SH3RF3: variants seen among roughly 807,000 people sequenced by gnomAD.
SH3RF3 encodes the protein SH3 domain containing ring finger 3, also known as E3 ubiquitin-protein ligase SH3RF3.
In SH3RF3, 29 loss-of-function variants were observed where a neutral mutation model predicts 66.3. The observed-to-expected ratio is 0.44, with a 90% CI of 0.33 to 0.60. SH3RF3 has a LOEUF of 0.60. SH3RF3 is among the 20% of genes least tolerant of loss of function. The pLI is 0.04. For missense variants in SH3RF3, 1,194 were observed against 1,190.9 expected (o/e 1.00, Z -0.04); for synonymous variants, 583 against 532.0 (o/e 1.10, Z -1.32).
chr2:109,149,631 T>C (rs2104865145), intron 1 of SH3RF3, among the ~76,000 whole-genome samples: 1 of 152,212 alleles, frequency 6.6e-6, no homozygotes, highest in East Asian at 1.9e-4. Flanking sequence ...CCTGCACGTG[T>C]CCATTGAGCA....
chr2:109,417,388 C>G (rs1676754062), intron 4 of SH3RF3, among the ~76,000 whole-genome samples: 1 of 152,184 alleles, frequency 6.6e-6, no homozygotes. Flanking sequence ...TTCCCTGTCT[C>G]CCTTCATGGA....
chr2:109,230,901 C>T (rs76147342), intron 1 of SH3RF3, among the ~76,000 whole-genome samples: 202 of 152,350 alleles, frequency 1.3e-3, no homozygotes, highest in Non-Finnish European at 1.8e-3. Flanking sequence ...GGGGGCTTCT[C>T]CCATCTCGGC....
At chr2:109,243,975 CT>C (rs1290876474) in intron 1 of SH3RF3, among the ~76,000 whole-genome samples, 2 of 152,208 alleles carry the variant, frequency 1.3e-5, no homozygotes, top group Non-Finnish European at 2.9e-5. Context: ...TCTGTTTGCC[CT>C]GCCCAGCTCA....
At chr2:109,319,548 G>A (rs1259970612) in intron 1 of SH3RF3, among the ~76,000 whole-genome samples, 1 of 152,226 alleles carries the variant, frequency 6.6e-6, no homozygotes, top group Non-Finnish European at 1.5e-5. Flanking sequence ...GTGAGAGGGG[G>A]CTCACAGGGC....
At position 109,416,550 on chromosome 2, in the gene SH3RF3, A is replaced by C. The variant is rs930594374; in HGVS notation, c.1300-2989A>C. ...CAGGCGTGCGCCATCATGCCTGGCT[A>C]ATTTTTGTATTTTTAGTAGAGACGG... On this transcript the variant is annotated intron_variant, in intron 4 of 9. Transcript: ENST00000309415. 6.6e-5 allele frequency among the ~76,000 whole-genome samples: 10 copies of C among 152,064 alleles called. No individual in the cohort carries two copies. The South Asian group carries it at 1.0e-3, about 16-fold the overall frequency.
intron 1 of SH3RF3, among the ~76,000 whole-genome samples, chr2:109,275,686 G>T (rs1023409482): frequency 6.6e-6 from 1 of 152,100 alleles, no homozygotes; most frequent in Non-Finnish European, 1.5e-5. Flanking sequence ...TGATTAGCGC[G>T]TCCTTTTAAA....
chr2:109,254,094 C>G (rs1481132464), intron 1 of SH3RF3, among the ~76,000 whole-genome samples: 1 of 152,090 alleles, frequency 6.6e-6, no homozygotes. Context: ...GAGAATTTCC[C>G]TGGGCTAGTG....
chr2:109,432,722 C>T (rs1048316641), intron 6 of SH3RF3, 51 bp downstream of exon 6: 39 of 1,563,140 alleles, frequency 2.5e-5, no homozygotes, highest in Middle Eastern at 3.5e-4. Context: ...AGGGCCTGCA[C>T]GCCTTACCGC....
intron 1 of SH3RF3, among the ~76,000 whole-genome samples, chr2:109,255,341 G>T (rs191192209): frequency 6.6e-6 from 1 of 152,278 alleles, no homozygotes; most frequent in East Asian, 1.9e-4. Flanking sequence ...GCTACTCTAA[G>T]AATACAGAGC....
intron 4 of SH3RF3, among the ~76,000 whole-genome samples, 154 bp from the exon 5 acceptor site, chr2:109,419,385 A>G (rs73955582): frequency 0.029 from 4,457 of 152,266 alleles, 229 homozygotes; most frequent in African/African-American, 0.1. Context: ...GCTCCCTCCC[A>G]TGACAGTCCA....
intron 1 of SH3RF3, among the ~76,000 whole-genome samples, chr2:109,338,279 C>T (rs1017198468): frequency 1.1e-4 from 16 of 152,084 alleles, no homozygotes; most frequent in Non-Finnish European, 1.3e-4. Flanking sequence ...TTTGCAGGTA[C>T]GGAAACTGAG....
intron 3 of SH3RF3, 47 bp from the exon 4 acceptor site, chr2:109,398,543 T>C: frequency 6.8e-7 from 1 of 1,477,234 alleles, no homozygotes; most frequent in Non-Finnish European, 9.1e-7. Context: ...TGGTGTGGCA[T>C]GTGACCATGA....
chr2:109,173,040 G>A (rs1051550026), intron 1 of SH3RF3, among the ~76,000 whole-genome samples: 2 of 152,234 alleles, frequency 1.3e-5, no homozygotes, highest in African/African-American at 4.8e-5. Flanking sequence ...TCATCCCTGG[G>A]TGGTGGGATT....
chr2:109,476,883 G>T (rs1398799294), intron 8 of SH3RF3, among the ~76,000 whole-genome samples: 1 of 152,190 alleles, frequency 6.6e-6, no homozygotes, highest in African/African-American at 2.4e-5. Context: ...CATTGCTGTG[G>T]CATTTGTAGA....
chr2:109,346,486 G>A (rs939996425), intron 1 of SH3RF3, among the ~76,000 whole-genome samples: 1 of 152,070 alleles, frequency 6.6e-6, no homozygotes. Context: ...AAATCGTTGG[G>A]TATTGACACC....
chr2:109,411,195 G>C (rs946957275), intron 4 of SH3RF3, among the ~76,000 whole-genome samples: 3 of 152,196 alleles, frequency 2.0e-5, no homozygotes, highest in African/African-American at 7.2e-5. Context: ...TCAGGGGAGA[G>C]GCGCCATTGG....
intron 1 of SH3RF3, among the ~76,000 whole-genome samples, chr2:109,189,252 G>A (rs1445174440): frequency 6.6e-6 from 1 of 151,848 alleles, no homozygotes; most frequent in Non-Finnish European, 1.5e-5. Context: ...GTGAGGTCTG[G>A]CCAAGCTTGA....
intron 5 of SH3RF3, among the ~76,000 whole-genome samples, chr2:109,423,945 T>C (rs988183163): frequency 6.6e-6 from 1 of 151,962 alleles, no homozygotes; most frequent in African/African-American, 2.4e-5. Context: ...GAGAATTTTA[T>C]TGAGAGAGTC....
At chr2:109,457,667 A>G (rs1678098171) in intron 8 of SH3RF3, among the ~76,000 whole-genome samples, 3 of 152,204 alleles carry the variant, frequency 2.0e-5, no homozygotes, top group Admixed American at 2.0e-4. Context: ...TCAAGTCTAG[A>G]TTCTGTTCTG....
Sources: gnomAD v4.1 joint callset for allele counts (sites outside exome capture counted in the v4.1 genomes callset) on GRCh38, gnomAD v4.1.1 for gene constraint, MANE v1.5 for transcripts, NCBI Gene and HGNC (gene_info 2026-07-23, HGNC 2026-07-21) for gene names.